The following GPR155 variants were observed in gnomAD, a reference collection of about 807,000 sequenced individuals.
The protein encoded by GPR155 is lysosomal cholesterol signaling protein.
GPR155 carries 65 observed loss-of-function variants against 93.1 expected under a neutral mutation model. The ratio of observed to expected loss-of-function variants is 0.70; its 90% CI spans 0.57 to 0.86. The LOEUF (loss-of-function observed/expected upper bound fraction) is 0.86. GPR155 is among the 40% of genes least tolerant of loss of function. The pLI is 0.00. For missense variants in GPR155, 838 were observed against 1,034.8 expected (o/e 0.81, Z 2.61); for synonymous variants, 319 against 360.1 (o/e 0.89, Z 1.29).
intron 13 of GPR155, among the ~76,000 whole-genome samples, chr2:174,444,248 T>C (rs150304252): frequency 0.15 from 23,287 of 151,646 alleles, 2,223 homozygotes; most frequent in Non-Finnish European, 0.23. Flanking sequence ...AAACCCCGTC[T>C]CTACTAAAAA....
intron 7 of GPR155, among the ~76,000 whole-genome samples, chr2:174,463,823 T>C (rs1235167279): frequency 6.6e-6 from 1 of 152,256 alleles, no homozygotes; most frequent in Admixed American, 6.5e-5. Flanking sequence ...ATTAGCTGTA[T>C]ATAAAGAATA....
At chr2:174,450,567 C>T (rs764870102) in intron 11 of GPR155, among the ~76,000 whole-genome samples, 1 of 152,142 alleles carries the variant, frequency 6.6e-6, no homozygotes, top group Non-Finnish European at 1.5e-5. Context: ...GATACAAACA[C>T]AAGTCACAGG....
chr2:174,451,589 A>G lies in GPR155; in HGVS notation c.1876+2148T>C, dbSNP rs1170964910. On this transcript the variant is annotated intron_variant, in intron 11 of 15. Transcript: ENST00000392552. ...GTCCCTATATAATGGCTCTCATTCT[A>G]TATAATTTTTATAAAATATGATCAG... Among the ~76,000 whole-genome samples, 3 of 152,176 alleles carry G rather than the reference A, an allele frequency of 2.0e-5. No homozygotes were observed. In the South Asian group the frequency reaches 6.2e-4, roughly 31 times the overall value.
At chr2:174,457,441 G>A (rs781448741) in intron 10 of GPR155, among the ~76,000 whole-genome samples, 3 of 152,178 alleles carry the variant, frequency 2.0e-5, no homozygotes, top group Admixed American at 6.5e-5. Context: ...GATAGGCTTA[G>A]GCAAATACTG....
chr2:174,465,430 T>C (rs1441806474), intron 7 of GPR155, among the ~76,000 whole-genome samples: 1 of 152,178 alleles, frequency 6.6e-6, no homozygotes, highest in Non-Finnish European at 1.5e-5. Flanking sequence ...CAGGACTCGA[T>C]AGTGAGCTCT....
chr2:174,448,773 A>C (rs529121153), intron 11 of GPR155, among the ~76,000 whole-genome samples: 10 of 151,630 alleles, frequency 6.6e-5, no homozygotes, highest in Admixed American at 6.6e-4. Context: ...TCCTGACCTC[A>C]TGATCCACCC....
At chr2:174,448,663 G>A (rs1262705661) in intron 11 of GPR155, among the ~76,000 whole-genome samples, 1 of 148,432 alleles carries the variant, frequency 6.7e-6, no homozygotes, top group Non-Finnish European at 1.5e-5. Flanking sequence ...TCAGCCTCCC[G>A]AGTAGCTGGG....
chr2:174,461,626 T>C lies in GPR155; in HGVS notation c.1431A>G (p.Val477=). The C allele has an allele frequency of 6.2e-7, 1 of 1,611,848 alleles. No individual in the cohort carries two copies. The highest frequency in any genetic ancestry group is 8.5e-7 in the Non-Finnish European group (1 of 1,177,960). The stretch of plus-strand genomic sequence containing the variant: ...TTATGATTATTCCAACAGGAATTTG[T>C]ACCCTCTCTCGCTTTTTCAAAAGAA... ...SLFLLKKRER[V]QIPVGIIIIS... Residue 477 remains valine, a synonymous_variant, in exon 8 of 16, where the codon GTA becomes GTG. Transcript: ENST00000392552.
chr2:174,465,589 A>G (rs753668821), intron 7 of GPR155, among the ~76,000 whole-genome samples, 196 bp downstream of exon 7: 18 of 152,208 alleles, frequency 1.2e-4, no homozygotes, highest in Non-Finnish European at 2.2e-4. Flanking sequence ...CAAGGCTCTA[A>G]GCCCAGGCAG....
chr2:174,459,029 G>A (rs1687603612), intron 10 of GPR155, among the ~76,000 whole-genome samples: 1 of 152,056 alleles, frequency 6.6e-6, no homozygotes, highest in South Asian at 2.1e-4. Context: ...TAGAGGTTAC[G>A]GTGAGCCAAG....
intron 7 of GPR155, 27 bp downstream of exon 7, chr2:174,465,758 T>A (rs1419119479): frequency 9.1e-7 from 1 of 1,103,626 alleles, no homozygotes; most frequent in Non-Finnish European, 1.4e-6. Flanking sequence ...GGAACAGATC[T>A]CAATTTCCAT....
At chr2:174,453,444 A>T (rs565622076) in intron 11 of GPR155, among the ~76,000 whole-genome samples, 1 of 152,146 alleles carries the variant, frequency 6.6e-6, no homozygotes, top group East Asian at 1.9e-4. Context: ...GCAGATCACG[A>T]GGTCAGGAGA....
chr2:174,480,160 C>G (rs961073773), intron 2 of GPR155, among the ~76,000 whole-genome samples: 4 of 152,186 alleles, frequency 2.6e-5, no homozygotes, highest in Admixed American at 1.3e-4. Context: ...AGGCTCAAGT[C>G]TCTGCTCAGA....
intron 13 of GPR155, among the ~76,000 whole-genome samples, chr2:174,444,650 G>A (rs62175263): frequency 0.24 from 36,215 of 151,700 alleles, 5,778 homozygotes; most frequent in East Asian, 0.7. Context: ...GGACTACCAC[G>A]TCTGGCTAAT....
rs1261307945 is a variant in GPR155 at position 174,434,428 on chromosome 2, TCTA to T, written c.*1685_*1687del. The T allele has an allele frequency of 6.6e-6, 1 of 152,106 alleles. No individual in the cohort carries two copies. The highest frequency in any genetic ancestry group is 1.5e-5 in the Non-Finnish European group (1 of 68,014). The allele number at this position is 152,106 out of a possible 1,614,324, so 9.4% of individuals were successfully genotyped here. The stretch of plus-strand genomic sequence containing the variant: ...ATTTTGTTGATAAAATTCAAATTAA[TCTA>T]CTCAAATTATTATTTGTAGCATGAA... On this transcript the variant is annotated 3_prime_UTR_variant, in exon 16 of 16. Coordinates refer to ENST00000392552, the MANE Select transcript of GPR155 (RefSeq NM_152529.7).
chr2:174,445,353 T>C, intron 12 of GPR155, 177 bp from the exon 13 acceptor site: 1 of 546,416 alleles, frequency 1.8e-6, no homozygotes, highest in South Asian at 2.3e-5. Context: ...CAACCTCTCC[T>C]CCTGACAGAT....
intron 2 of GPR155, among the ~76,000 whole-genome samples, chr2:174,480,032 G>T (rs1343472064): frequency 6.6e-6 from 1 of 152,202 alleles, no homozygotes; most frequent in African/African-American, 2.4e-5. Context: ...GAAAAGTATA[G>T]TTAAATAGAA....
At position 174,465,820 on chromosome 2, in the gene GPR155, A is replaced by C; in HGVS notation, c.1349T>G (p.Leu450Trp). Residue 450 changes from leucine (L) to tryptophan (W), a missense_variant, in exon 7 of 16, where the codon TTG (leucine) becomes TGG (tryptophan). Transcript: ENST00000392552. The stretch of plus-strand genomic sequence containing the variant: ...GTAGGTGCTATAGAGGGAGCTGTAC[A>C]ATAGAACAAACACCAAAATTTGTCC... ...FVGQILVFVL[L>W]YSSLYSTYLW... The C allele has an allele frequency of 6.2e-7, 1 of 1,603,352 alleles. No homozygotes were observed. The highest frequency in any genetic ancestry group is 8.5e-7 in the Non-Finnish European group (1 of 1,170,824).
chr2:174,446,440 T>G (rs1284748687), intron 12 of GPR155, among the ~76,000 whole-genome samples, 171 bp downstream of exon 12: 1 of 152,110 alleles, frequency 6.6e-6, no homozygotes, highest in Admixed American at 6.6e-5. Context: ...ATGTGAATGA[T>G]TCATCTCTTC....
Sources: gnomAD v4.1 joint callset for allele counts (sites outside exome capture counted in the v4.1 genomes callset) on GRCh38, gnomAD v4.1.1 for gene constraint, MANE v1.5 for transcripts, NCBI Gene and HGNC (gene_info 2026-07-23, HGNC 2026-07-21) for gene names.